Variants in ZMYM5 observed in about 807,000 individuals in gnomAD.
ZMYM5 encodes the protein zinc finger MYM-type protein 5.
ZMYM5 carries 41 observed loss-of-function variants against 61.8 expected under a neutral mutation model. The ratio of observed to expected loss-of-function variants is 0.66; its 90% CI spans 0.52 to 0.86. The LOEUF (loss-of-function observed/expected upper bound fraction) is 0.86. Among genes scored for constraint, ZMYM5 ranks in the 40% least tolerant of loss-of-function variants. The pLI is 0.00. For missense variants in ZMYM5, 706 were observed against 786.7 expected, an observed-to-expected ratio of 0.90 and a Z score of 1.23; for synonymous variants, 257 against 276.4, an observed-to-expected ratio of 0.93 and a Z score of 0.70.
At chr13:19,857,253 T>A (rs1248921817) in intron 2 of ZMYM5, among the ~76,000 whole-genome samples, 1 of 152,242 alleles carries the variant, frequency 6.6e-6, no homozygotes, top group Admixed American at 6.5e-5. Context: ...GGTATCTTAT[T>A]CATACACAAA....
chr13:19,832,818 G>A (rs1952568128), intron 7 of ZMYM5, among the ~76,000 whole-genome samples: 2 of 151,906 alleles, frequency 1.3e-5, no homozygotes, highest in Admixed American at 1.3e-4. Context: ...AGGGTGGAGT[G>A]TAATGGTGCA....
intron 5 of ZMYM5, 31 bp downstream of exon 5, chr13:19,838,669 A>G: frequency 1.2e-6 from 2 of 1,606,236 alleles, no homozygotes; most frequent in Admixed American, 1.7e-5. Flanking sequence ...GTATTCAACT[A>G]TGTGGAGAAA....
At position 19,825,019 on chromosome 13, in the gene ZMYM5, G is replaced by C; in HGVS notation, c.1468C>G (p.Pro490Ala). 1 of 1,367,598 alleles carries C rather than the reference G, an allele frequency of 7.3e-7. No homozygotes were observed. The allele number at this position is 1,367,598 out of a possible 1,614,324, so 84.7% of individuals were successfully genotyped here. Residue 490 changes from proline to alanine, a missense_variant, in exon 8 of 8, where the codon CCT becomes GCT. Pro to Ala is a conservative substitution (Grantham distance 27). This residue lies in a region of ZMYM5 where 226 missense variants were observed against 325.0 expected (regional missense o/e 0.70). Transcript: ENST00000337963. ...TCAGCTATGGTTGACGTGGAAGAAG[G>C]AGGTAAATTCACATTCTCTTGGATC... The part of the protein sequence containing the change: ...LLIQENVNLP[P>A]SSTSTIADTF...
At position 19,823,491 on chromosome 13, in the gene ZMYM5, T is replaced by C. The variant is rs1435157326; in HGVS notation, c.*986A>G. On this transcript the variant is annotated 3_prime_UTR_variant, in exon 8 of 8. Coordinates refer to ENST00000337963, the MANE Select transcript of ZMYM5 (RefSeq NM_001142684.2). ...CCATAACACTTGAAGGTTAACTTAA[T>C]ATATACTTATTTTAATATTTTTTAT... 6.6e-6 allele frequency: 1 copy of C among 152,088 alleles called. No homozygotes were observed. Among genetic ancestry groups the C allele is most frequent in the Non-Finnish European group, 1.5e-5 (1 of 68,016 alleles). 9.4% of individuals were successfully genotyped at this position (152,088 alleles called of 1,614,324 possible). A position where few individuals can be genotyped will look rare whatever the true frequency, so the allele number is the denominator to read the frequency against.
At chr13:19,847,513 A>G (rs1566100774) in intron 4 of ZMYM5, among the ~76,000 whole-genome samples, 1 of 152,210 alleles carries the variant, frequency 6.6e-6, no homozygotes, top group Non-Finnish European at 1.5e-5. Flanking sequence ...CAGATTTTAA[A>G]GAGATTTGCA....
intron 7 of ZMYM5, among the ~76,000 whole-genome samples, chr13:19,831,769 C>CAG (rs1411726727): frequency 1.0e-5 from 1 of 98,338 alleles, no homozygotes; most frequent in African/African-American, 4.0e-5. Flanking sequence ...GCCTGGGTGA[C>CAG]AGAGAGAGAC....
chr13:19,837,547 A>G, intron 6 of ZMYM5, 109 bp downstream of exon 6: 5 of 1,605,292 alleles, frequency 3.1e-6, no homozygotes, highest in African/African-American at 1.3e-5. Flanking sequence ...GCTTCATGTT[A>G]TACATCCAGA....
intron 7 of ZMYM5, among the ~76,000 whole-genome samples, chr13:19,832,569 C>G (rs1277482793): frequency 6.6e-6 from 1 of 151,988 alleles, no homozygotes; most frequent in Non-Finnish European, 1.5e-5. Flanking sequence ...TCAAGTGATC[C>G]GCCCGCCTTG....
chr13:19,850,055 G>A (rs2068454090), intron 4 of ZMYM5, among the ~76,000 whole-genome samples: 1 of 151,458 alleles, frequency 6.6e-6, no homozygotes, highest in South Asian at 2.1e-4. Flanking sequence ...TTACTTTTCA[G>A]TACTTTCCTA....
intron 6 of ZMYM5, among the ~76,000 whole-genome samples, chr13:19,836,879 CA>C (rs1453365969): frequency 6.6e-6 from 1 of 152,158 alleles, no homozygotes; most frequent in Non-Finnish European, 1.5e-5. Context: ...GGGAAGATTG[CA>C]ATATCACTGA....
chr13:19,839,179 T>C (rs987707052), intron 4 of ZMYM5, among the ~76,000 whole-genome samples, 194 bp from the exon 5 acceptor site: 1 of 152,212 alleles, frequency 6.6e-6, no homozygotes, highest in African/African-American at 2.4e-5. Flanking sequence ...TACTCCACTG[T>C]GCCAACAATA....
At position 19,852,012 on chromosome 13, in the gene ZMYM5, C is replaced by T. The variant is rs778826712; in HGVS notation, c.169G>A (p.Asp57Asn). Reference sequence around the variant, plus strand: ...GATTCAATAAACACAACATCATCATCATCATCATCATCTTCCACTGGTGAG... The same window carrying T: ...GATTCAATAAACACAACATCATCATTATCATCATCATCTTCCACTGGTGAG... ...RNSPVEDDDD[D>N]DDVVFIESIQ... The change falls in exon 3 of 8, where the codon GAT becomes AAT. Residue 57 changes from aspartate to asparagine, a missense_variant. By Grantham distance (23) the Asp-to-Asn change is conservative (BLOSUM62 1). Around this residue, in one of 2 missense-constraint regions of ZMYM5, gnomAD observed 480 missense variants for 461.7 expected, o/e 1.04. Coordinates refer to ENST00000337963, the MANE Select transcript of ZMYM5 (RefSeq NM_001142684.2). 13 of 1,613,818 alleles carry T rather than the reference C, an allele frequency of 8.1e-6. No individual in the cohort carries two copies. In the South Asian group the frequency reaches 1.4e-4, roughly 18 times the overall value.
At chr13:19,861,592 A>G (rs969350348) in intron 2 of ZMYM5, among the ~76,000 whole-genome samples, 12 of 152,258 alleles carry the variant, frequency 7.9e-5, no homozygotes, top group Non-Finnish European at 1.3e-4. Context: ...CTACTATGGG[A>G]GATAAGCTAA....
At chr13:19,833,843 G>A (rs866744593) in intron 7 of ZMYM5, among the ~76,000 whole-genome samples, 4 of 152,098 alleles carry the variant, frequency 2.6e-5, no homozygotes, top group Admixed American at 2.0e-4. Flanking sequence ...AAATCAGTCT[G>A]AAAGAAAATC....
intron 2 of ZMYM5, among the ~76,000 whole-genome samples, chr13:19,860,735 G>A (rs1953715339): frequency 6.6e-6 from 1 of 151,900 alleles, no homozygotes; most frequent in South Asian, 2.1e-4. Context: ...ACCATGCCCA[G>A]CCAACACTTC....
At chr13:19,860,401 C>A (rs1269766381) in intron 2 of ZMYM5, among the ~76,000 whole-genome samples, 3 of 149,706 alleles carry the variant, frequency 2.0e-5, no homozygotes, top group African/African-American at 7.4e-5. Context: ...GCTGGTATTA[C>A]AGGCATGTGC....
intron 2 of ZMYM5, among the ~76,000 whole-genome samples, chr13:19,858,557 C>G (rs1414606218): frequency 8.0e-6 from 1 of 125,530 alleles, no homozygotes; most frequent in African/African-American, 2.9e-5. Context: ...GCACTCCAGC[C>G]TGGGTGACAG....
At chr13:19,847,349 T>C (rs563395061) in intron 4 of ZMYM5, among the ~76,000 whole-genome samples, 1 of 152,210 alleles carries the variant, frequency 6.6e-6, no homozygotes, top group Non-Finnish European at 1.5e-5. Context: ...ACTATCCACA[T>C]CTAAAAAGAC....
At chr13:19,853,841 CAA>C (rs1953407909) in intron 2 of ZMYM5, among the ~76,000 whole-genome samples, 2 of 152,018 alleles carry the variant, frequency 1.3e-5, no homozygotes. Context: ...CTCAGCCTCC[CAA>C]AGTGTTGGGA....
Sources: gnomAD v4.1 joint callset for allele counts (sites outside exome capture counted in the v4.1 genomes callset) on GRCh38, gnomAD v4.1.1 for gene constraint, gnomAD v4.1.1 regional missense constraint, MANE v1.5 for transcripts, NCBI Gene and HGNC (gene_info 2026-07-23, HGNC 2026-07-21) for gene names.